The following CNTNAP5 variants were observed in gnomAD, a reference collection of about 807,000 sequenced individuals.
CNTNAP5 encodes the protein contactin-associated protein-like 5.
Under a neutral mutation model 150.2 loss-of-function variants are expected in CNTNAP5, and 72 were observed. The observed-to-expected ratio is 0.48, with a 90% confidence interval of 0.40 to 0.58. CNTNAP5 has a LOEUF of 0.58. Among genes scored for constraint, CNTNAP5 ranks in the 20% least tolerant of loss-of-function variants. The probability of loss-of-function intolerance (pLI) is 0.00; values close to 1 mark genes in which losing one functional copy is unlikely to be tolerated. For synonymous variants in CNTNAP5, 672 were observed against 619.8 expected (o/e 1.08, Z -1.25); for missense variants, 1,636 against 1,626.2 (o/e 1.01, Z -0.10).
intron 9 of CNTNAP5, among the ~76,000 whole-genome samples, chr2:124,526,690 A>G (rs941821178): frequency 4.6e-5 from 7 of 152,220 alleles, no homozygotes; most frequent in Admixed American, 2.0e-4. Context: ...CCCTAAAATG[A>G]CATGCATTTA....
At chr2:124,104,408 A>T (rs931828763) in intron 1 of CNTNAP5, among the ~76,000 whole-genome samples, 1 of 152,178 alleles carries the variant, frequency 6.6e-6, no homozygotes, top group African/African-American at 2.4e-5. Context: ...ATGTAGACAC[A>T]CATCTATTCT....
At chr2:124,406,597 T>C (rs1029175210) in intron 3 of CNTNAP5, among the ~76,000 whole-genome samples, 6 of 152,232 alleles carry the variant, frequency 3.9e-5, no homozygotes, top group Non-Finnish European at 8.8e-5. Context: ...ATAGTTATGG[T>C]GTGCATGTGA....
intron 3 of CNTNAP5, among the ~76,000 whole-genome samples, chr2:124,388,020 C>T (rs1388081416): frequency 1.3e-5 from 2 of 152,160 alleles, no homozygotes; most frequent in Non-Finnish European, 2.9e-5. Flanking sequence ...TCAAACTAGC[C>T]ACCTCTCCTC....
At chr2:124,454,424 T>C (rs1693065732) in intron 6 of CNTNAP5, among the ~76,000 whole-genome samples, 1 of 151,828 alleles carries the variant, frequency 6.6e-6, no homozygotes, top group Non-Finnish European at 1.5e-5. Flanking sequence ...AGACCTAACA[T>C]ACAGACAGCA....
chr2:124,685,423 G>A (rs1679168524), intron 13 of CNTNAP5, among the ~76,000 whole-genome samples: 1 of 150,174 alleles, frequency 6.7e-6, no homozygotes, highest in Non-Finnish European at 1.5e-5. Flanking sequence ...CAAAGGCTAA[G>A]GCAGCTGATA....
intron 7 of CNTNAP5, among the ~76,000 whole-genome samples, chr2:124,499,311 T>C (rs1468491397): frequency 1.3e-5 from 2 of 152,136 alleles, no homozygotes; most frequent in Admixed American, 1.3e-4. Flanking sequence ...TACAAGGCAG[T>C]ATAAGAAACA....
At chr2:124,481,645 C>T (rs963504963) in intron 7 of CNTNAP5, among the ~76,000 whole-genome samples, 3 of 152,054 alleles carry the variant, frequency 2.0e-5, no homozygotes, top group African/African-American at 7.2e-5. Context: ...AGTTTATTGA[C>T]AATTTTATAT....
At chr2:124,565,256 A>AAATATTGTT (rs1164143157) in intron 11 of CNTNAP5, among the ~76,000 whole-genome samples, 1 of 152,164 alleles carries the variant, frequency 6.6e-6, no homozygotes, top group African/African-American at 2.4e-5. Context: ...GAAACAAAAA[A>AAATATTGTT]AATATTGTTT....
intron 6 of CNTNAP5, among the ~76,000 whole-genome samples, chr2:124,448,512 A>T (rs2104808165): frequency 6.6e-6 from 1 of 152,252 alleles, no homozygotes; most frequent in East Asian, 1.9e-4. Context: ...TCCCGTTGAC[A>T]GCTTGAAGTC....
chr2:124,449,639 G>T (rs1049083043), intron 6 of CNTNAP5, among the ~76,000 whole-genome samples: 1 of 152,148 alleles, frequency 6.6e-6, no homozygotes, highest in Non-Finnish European at 1.5e-5. Flanking sequence ...TTCAGGGCGT[G>T]CACGGATGTC....
At chr2:124,898,507 C>T (rs1405313073) in intron 21 of CNTNAP5, among the ~76,000 whole-genome samples, 2 of 151,516 alleles carry the variant, frequency 1.3e-5, no homozygotes, top group East Asian at 3.9e-4. Flanking sequence ...CTTTCTCTGG[C>T]ATCACAGATC....
chr2:124,336,914 G>A (rs1312146848), intron 3 of CNTNAP5, among the ~76,000 whole-genome samples: 1 of 152,040 alleles, frequency 6.6e-6, no homozygotes, highest in Admixed American at 6.6e-5. Flanking sequence ...TGGGTCAAAT[G>A]GTATTTCTAG....
At chr2:124,884,686 G>A (rs1678042772) in intron 21 of CNTNAP5, among the ~76,000 whole-genome samples, 1 of 152,002 alleles carries the variant, frequency 6.6e-6, no homozygotes, top group African/African-American at 2.4e-5. Flanking sequence ...GGTTCTGAAA[G>A]TCGTAGTGCA....
chr2:124,624,279 A>T (rs1339573852), intron 12 of CNTNAP5, among the ~76,000 whole-genome samples: 1 of 152,190 alleles, frequency 6.6e-6, no homozygotes, highest in Non-Finnish European at 1.5e-5. Context: ...AATTCCTTTC[A>T]CATACCCGTT....
chr2:124,686,804 C>T (rs1573547647), intron 13 of CNTNAP5, among the ~76,000 whole-genome samples: 1 of 152,184 alleles, frequency 6.6e-6, no homozygotes, highest in Middle Eastern at 3.4e-3. Flanking sequence ...GACAAGTCGA[C>T]CAGAATTATA....
intron 7 of CNTNAP5, among the ~76,000 whole-genome samples, chr2:124,491,968 TGTTTTTTGCTATTGA>T (rs1364350771): frequency 6.6e-6 from 1 of 152,140 alleles, no homozygotes; most frequent in Non-Finnish European, 1.5e-5. Flanking sequence ...TTGTTTGTTT[TGTTTTTTGCTATTGA>T]GTTATATTAT....
At chr2:124,479,317 T>C (rs1383677088) in intron 7 of CNTNAP5, among the ~76,000 whole-genome samples, 3 of 152,188 alleles carry the variant, frequency 2.0e-5, no homozygotes, top group African/African-American at 7.2e-5. Context: ...TCAGAAATGA[T>C]GCTTTTTTTG....
intron 1 of CNTNAP5, among the ~76,000 whole-genome samples, chr2:124,219,007 G>A (rs1301180353): frequency 6.6e-6 from 1 of 152,042 alleles, no homozygotes; most frequent in Non-Finnish European, 1.5e-5. Context: ...ATATTGGTTG[G>A]ACTGAATTAA....
intron 4 of CNTNAP5, among the ~76,000 whole-genome samples, chr2:124,419,349 T>A (rs1051093413): frequency 6.6e-6 from 1 of 152,064 alleles, no homozygotes; most frequent in Non-Finnish European, 1.5e-5. Flanking sequence ...ACAGAAAGAG[T>A]CACAGCATCG....
Sources: gnomAD v4.1 joint callset for allele counts (sites outside exome capture counted in the v4.1 genomes callset) on GRCh38, gnomAD v4.1.1 for gene constraint, MANE v1.5 for transcripts, NCBI Gene and HGNC (gene_info 2026-07-23, HGNC 2026-07-21) for gene names.